PREX1: variants seen among roughly 807,000 people sequenced by gnomAD.
The protein encoded by PREX1 is phosphatidylinositol-3,4,5-trisphosphate dependent Rac exchange factor 1.
PREX1 carries 41 observed loss-of-function variants against 198.3 expected under a neutral mutation model. The ratio of observed to expected loss-of-function variants is 0.21; its 90% CI spans 0.16 to 0.27. The LOEUF is 0.27. PREX1 is among the 10% of genes least tolerant of loss of function. The pLI is 1.00. For synonymous variants in PREX1, 843 were observed against 887.2 expected, an observed-to-expected ratio of 0.95 and a Z score of 0.89; for missense variants, 1,620 against 2,200.7, an observed-to-expected ratio of 0.74 and a Z score of 5.28.
the PREX1 span, among the ~76,000 whole-genome samples, chr20:48,833,558 C>T: frequency 1.3e-5 from 2 of 151,798 alleles, no homozygotes; most frequent in African/African-American, 2.4e-5. Context: ...TCTCCTGCCT[C>T]AGCCTCCCAA....
rs1318449644 is a variant in PREX1, at chr20:48,760,750, C to T, written c.220-12870G>A. On this transcript the variant is annotated intron_variant, in intron 1 of 39. Transcript: ENST00000371941. ...CCCAGCAAGTGTTAACCAGGGCCTG[C>T]CGTGCACCAGGCACCGAGCTGGGTG... 2.0e-5 allele frequency among the ~76,000 whole-genome samples: 3 copies of T among 152,102 alleles called. 1 individual carries two copies. Among genetic ancestry groups the T allele is most frequent in the Non-Finnish European group, 2.9e-5 (2 of 67,974 alleles).
chr20:48,797,827 C>T (rs1242991825), intron 1 of PREX1, among the ~76,000 whole-genome samples: 1 of 152,222 alleles, frequency 6.6e-6, no homozygotes, highest in Non-Finnish European at 1.5e-5. Context: ...TGCCTGAGAA[C>T]ACTGAGGCCC....
chr20:48,815,605 T>C (rs1308472580), intron 1 of PREX1, among the ~76,000 whole-genome samples: 3 of 152,138 alleles, frequency 2.0e-5, no homozygotes, highest in Admixed American at 6.5e-5. Context: ...CAGGCATCTG[T>C]CCCGTGGCCA....
chr20:48,841,980 C>A, the PREX1 span, among the ~76,000 whole-genome samples: 1 of 152,028 alleles, frequency 6.6e-6, no homozygotes, highest in African/African-American at 2.4e-5. Flanking sequence ...TTTGTCCCAG[C>A]AGAAATGTGT....
chr20:48,875,471 G>T, the PREX1 span, among the ~76,000 whole-genome samples: 1 of 152,114 alleles, frequency 6.6e-6, no homozygotes, highest in South Asian at 2.1e-4. Context: ...ACCACAAGCT[G>T]GTGCCAGAGT....
At chr20:48,824,770 T>C (rs559745950) in intron 1 of PREX1, among the ~76,000 whole-genome samples, 1 of 152,250 alleles carries the variant, frequency 6.6e-6, no homozygotes, top group African/African-American at 2.4e-5. Context: ...GGATTGTTTT[T>C]TTTAAACACC....
intron 32 of PREX1, among the ~76,000 whole-genome samples, chr20:48,636,183 C>T (rs1764943545): frequency 6.6e-6 from 1 of 152,250 alleles, no homozygotes; most frequent in African/African-American, 2.4e-5. Context: ...CTGCCCTGGG[C>T]TGAGAGCCGC....
chr20:48,680,065 G>A (rs2089739296), intron 11 of PREX1, among the ~76,000 whole-genome samples: 1 of 152,144 alleles, frequency 6.6e-6, no homozygotes, highest in African/African-American at 2.4e-5. Context: ...GATCCAGCCT[G>A]CACTGGGACC....
Position 48,652,613 on chromosome 20 carries a change from C to T in PREX1, c.2440G>A (p.Ala814Thr). The T allele has an allele frequency of 1.2e-6, 2 of 1,612,976 alleles. No individual in the cohort carries two copies. Among genetic ancestry groups the T allele is most frequent in the Non-Finnish European group, 1.7e-6 (2 of 1,179,374 alleles). The change falls in exon 21 of 40, where the codon GCC (alanine) becomes ACC (threonine). Residue 814 changes from alanine (A) to threonine (T), a missense_variant. Transcript: ENST00000371941. The part of the protein sequence containing the change: ...ASTEDPSGEQ[A>T]QEEDQADSAF... The stretch of plus-strand genomic sequence containing the variant: ...GAATCAGCCTGGTCTTCCTCCTGGG[C>T]CTGCTCGCCACTGGGGTCCTCAGTG...
At chr20:48,853,370 A>C in the PREX1 span, among the ~76,000 whole-genome samples, 2 of 152,214 alleles carry the variant, frequency 1.3e-5, no homozygotes, top group Non-Finnish European at 2.9e-5. Flanking sequence ...AGCCTCAGGA[A>C]ACTTACAATC....
At chr20:48,793,002 C>T (rs2090345485) in intron 1 of PREX1, among the ~76,000 whole-genome samples, 1 of 151,938 alleles carries the variant, frequency 6.6e-6, no homozygotes, top group African/African-American at 2.4e-5. Flanking sequence ...GTCAGGAGTT[C>T]GAGACCAGCC....
At chr20:48,816,047 CAG>C (rs1342401240) in intron 1 of PREX1, among the ~76,000 whole-genome samples, 10 of 125,328 alleles carry the variant, frequency 8.0e-5, no homozygotes, top group Non-Finnish European at 3.4e-5. Context: ...AAAAAAAAAA[CAG>C]AGAGATGCTG....
rs182317593 is a variant in PREX1, at chr20:48,720,143, C to T, written c.621+6147G>A. ...GGTACCTGCTTGACTTCCTCCTTCACCTCTTTCAGGTCTTTGCTCAAATGT... is the reference window on the plus strand; with the variant it reads ...GGTACCTGCTTGACTTCCTCCTTCATCTCTTTCAGGTCTTTGCTCAAATGT... On this transcript the variant is annotated intron_variant, in intron 5 of 39. Transcript: ENST00000371941. Among the ~76,000 whole-genome samples the T allele has an allele frequency of 1.5e-3, 230 of 152,324 alleles. 2 individuals are homozygous for T. Among genetic ancestry groups the T allele is most frequent in the Middle Eastern group, 6.8e-3 (2 of 294 alleles).
intron 1 of PREX1, among the ~76,000 whole-genome samples, chr20:48,804,046 GC>G (rs1310896836): frequency 1.3e-5 from 2 of 152,228 alleles, no homozygotes; most frequent in Non-Finnish European, 1.5e-5. Context: ...CTGGACTGGA[GC>G]CCTTGAGGAC....
At chr20:48,846,735 C>G in the PREX1 span, among the ~76,000 whole-genome samples, 36 of 152,214 alleles carry the variant, frequency 2.4e-4, no homozygotes, top group African/African-American at 8.2e-4. Flanking sequence ...AGCAAACAGT[C>G]TCCCAGCCCC....
At chr20:48,856,031 T>C in the PREX1 span, among the ~76,000 whole-genome samples, 1 of 152,174 alleles carries the variant, frequency 6.6e-6, no homozygotes, top group Non-Finnish European at 1.5e-5. Flanking sequence ...AACAAGGTGA[T>C]CAGAGAAGGC....
At position 48,691,721 on chromosome 20, in the gene PREX1, G is replaced by A. The variant is rs1156647230; in HGVS notation, c.1037-625C>T. ...TGCATGACTGTGAGTGGTGGCAACA[G>A]GCCAAACATCCATCACCCAAAGAAT... On this transcript the variant is annotated intron_variant, in intron 8 of 39. Coordinates refer to ENST00000371941, the MANE Select transcript of PREX1 (RefSeq NM_020820.4). The surrounding 1 kb of genome is among the most constrained non-coding windows in gnomAD (Gnocchi z 5.0). Among the ~76,000 whole-genome samples, 1 of 152,224 alleles carries A rather than the reference G, an allele frequency of 6.6e-6. No individual in the cohort carries two copies. Among genetic ancestry groups the A allele is most frequent in the African/African-American group, 2.4e-5 (1 of 41,448 alleles).
At position 48,666,389 on chromosome 20, in the gene PREX1, G is replaced by A; in HGVS notation, c.1666-34C>T. 6.6e-7 allele frequency: 1 copy of A among 1,522,804 alleles called. No individual in the cohort carries two copies. The highest frequency in any genetic ancestry group is 1.2e-5 in the South Asian group (1 of 83,630). 94.3% of individuals were successfully genotyped at this position (1,522,804 alleles called of 1,614,324 possible). A position where few individuals can be genotyped will look rare whatever the true frequency, so the allele number is the denominator to read the frequency against. ...GAACAAGAAGGGGAGGGTGTTAGGT[G>A]GCAGCATCCGAGAGGCCATGCATGG... On this transcript the variant is annotated intron_variant, in intron 14 of 39. Transcript: ENST00000371941. The surrounding 1 kb of genome is among the most constrained non-coding windows in gnomAD (Gnocchi z 4.3).
chr20:48,852,117 C>T, the PREX1 span, among the ~76,000 whole-genome samples: 4 of 151,936 alleles, frequency 2.6e-5, no homozygotes, highest in Non-Finnish European at 4.4e-5. Flanking sequence ...TACTATCTAT[C>T]TGCCCCTTTC....
Sources: gnomAD v4.1 joint callset for allele counts (sites outside exome capture counted in the v4.1 genomes callset) on GRCh38, gnomAD v4.1.1 for gene constraint, Gnocchi (gnomAD v3.1) non-coding constraint, MANE v1.5 for transcripts, NCBI Gene and HGNC (gene_info 2026-07-23, HGNC 2026-07-21) for gene names.